The following ARHGAP8 variants were observed in gnomAD, a reference collection of about 807,000 sequenced individuals.
The protein encoded by ARHGAP8 is rho GTPase-activating protein 8.
ARHGAP8 carries 62 observed loss-of-function variants against 46.1 expected under a neutral mutation model. The ratio of observed to expected loss-of-function variants is 1.34; its 90% CI spans 1.10 to 1.66. The LOEUF (loss-of-function observed/expected upper bound fraction) is 1.66. ARHGAP8 is among the 40% of genes most tolerant of loss of function. ARHGAP8 has a pLI of 0.00. For synonymous variants in ARHGAP8, 375 were observed against 243.1 expected (o/e 1.54, Z -5.05); for missense variants, 923 against 568.4 (o/e 1.62, Z -6.34).
chr22:44,776,279 A>C (rs1457816758), intron 1 of ARHGAP8, among the ~76,000 whole-genome samples: 1 of 152,094 alleles, frequency 6.6e-6, no homozygotes, highest in Non-Finnish European at 1.5e-5. Context: ...GGTGAAACCC[A>C]GTCTCTACTA....
intron 10 of ARHGAP8, among the ~76,000 whole-genome samples, chr22:44,857,342 C>T (rs1260906856): frequency 6.6e-6 from 1 of 152,182 alleles, no homozygotes; most frequent in African/African-American, 2.4e-5. Context: ...ACCTCATCCC[C>T]ATGACTAGAA....
At chr22:44,795,640 G>T (rs1396317557) in intron 2 of ARHGAP8, among the ~76,000 whole-genome samples, 1 of 152,128 alleles carries the variant, frequency 6.6e-6, no homozygotes, top group Non-Finnish European at 1.5e-5. Flanking sequence ...GCAGAGGGGA[G>T]CCCCCTGGTT....
rs188774257 is a variant in ARHGAP8, at chr22:44,822,326, G to A, written c.387-45G>A. 3,039 of 1,543,140 alleles carry A rather than the reference G, an allele frequency of 2.0e-3. 28 individuals are homozygous for A. The highest frequency in any genetic ancestry group is 6.4e-3 in the Middle Eastern group (38 of 5,910). ...CCTCCCTGCAACCCTCGGCCTCTCTGCTGGCGCCTAATCGTTCTTTATTCT... is the reference window on the plus strand; with the variant it reads ...CCTCCCTGCAACCCTCGGCCTCTCTACTGGCGCCTAATCGTTCTTTATTCT... On this transcript the variant is annotated intron_variant, in intron 5 of 11. Coordinates refer to ENST00000356099, the MANE Select transcript of ARHGAP8 (RefSeq NM_181335.3).
At chr22:44,857,945 C>G (rs200622444) in intron 10 of ARHGAP8, among the ~76,000 whole-genome samples, 2 of 151,814 alleles carry the variant, frequency 1.3e-5, no homozygotes, top group Non-Finnish European at 1.5e-5. Context: ...AGAGGGACCA[C>G]AGAGCTGAGG....
intron 8 of ARHGAP8, among the ~76,000 whole-genome samples, chr22:44,847,509 A>ATGTGCAGCTACTGGCTGCTGTGC (rs1555919713): frequency 2.6e-5 from 4 of 152,158 alleles, no homozygotes; most frequent in Non-Finnish European, 5.9e-5. Flanking sequence ...TTAAATCCCC[A>ATGTGCAGCTACTGGCTGCTGTGC]TGTGCAGCTA....
At chr22:44,847,950 G>A in intron 8 of ARHGAP8, 23 bp from the exon 9 acceptor site, 2 of 1,605,254 alleles carry the variant, frequency 1.2e-6, no homozygotes, top group South Asian at 1.1e-5. Context: ...CCTGTGAGAT[G>A]CCTGGAAGCT....
chr22:44,764,102 G>A (rs1569133101), intron 1 of ARHGAP8, among the ~76,000 whole-genome samples: 1 of 152,054 alleles, frequency 6.6e-6, no homozygotes, highest in African/African-American at 2.4e-5. Context: ...GTGAGCCACC[G>A]CGCCCGGCCA....
In ARHGAP8 at chr22:44,862,613, A is replaced by G. The variant is rs780409567; in HGVS notation, c.*18A>G. Reference sequence around the variant, plus strand: ...GTCTCTAGTGTTGCGAACACTCTGTATATTTCGAGCTACCTCCCACACCTG... The same window carrying G: ...GTCTCTAGTGTTGCGAACACTCTGTGTATTTCGAGCTACCTCCCACACCTG... On this transcript the variant is annotated 3_prime_UTR_variant, in exon 12 of 12. Transcript: ENST00000356099. The G allele has an allele frequency of 2.1e-4, 215 of 1,044,808 alleles. No individual in the cohort carries two copies. Among genetic ancestry groups the G allele is most frequent in the Non-Finnish European group, 2.4e-4 (194 of 803,204 alleles). The allele number at this position is 1,044,808 out of a possible 1,614,324, so 64.7% of individuals were successfully genotyped here.
chr22:44,817,433 C>T lies in ARHGAP8; in HGVS notation c.386+2675C>T, dbSNP rs142925271. On this transcript the variant is annotated intron_variant, in intron 5 of 11. Transcript: ENST00000356099. ...GGTTTTGTTTGTGTTTAACCAGGCC[C>T]AGCACCCTTGTGCCCTATGTGACAT... Among the ~76,000 whole-genome samples the T allele has an allele frequency of 2.0e-5, 3 of 152,352 alleles. No homozygotes were observed. In the East Asian group the frequency reaches 5.8e-4, roughly 29 times the overall value.
intron 1 of ARHGAP8, among the ~76,000 whole-genome samples, chr22:44,772,390 A>G (rs1404940110): frequency 1.7e-5 from 2 of 114,330 alleles, no homozygotes; most frequent in Non-Finnish European, 3.5e-5. Flanking sequence ...GGGTTTCGCT[A>G]TGTTGACCAG....
At chr22:44,861,914 T>A (rs1014301493) in intron 11 of ARHGAP8, among the ~76,000 whole-genome samples, 2 of 151,998 alleles carry the variant, frequency 1.3e-5, no homozygotes, top group Non-Finnish European at 2.9e-5. Flanking sequence ...AGTTCGCCAC[T>A]CACAGAGCCG....
intron 7 of ARHGAP8, among the ~76,000 whole-genome samples, chr22:44,843,553 G>GC (rs1183866859): frequency 6.6e-6 from 1 of 152,162 alleles, no homozygotes; most frequent in African/African-American, 2.4e-5. Flanking sequence ...GACAGGCCTG[G>GC]CCCAGTGGCT....
At chr22:44,787,546 T>A (rs1480444479) in intron 2 of ARHGAP8, among the ~76,000 whole-genome samples, 2 of 152,122 alleles carry the variant, frequency 1.3e-5, no homozygotes, top group African/African-American at 4.8e-5. Flanking sequence ...GGTTTCGCCA[T>A]TTTGGTCAGG....
chr22:44,811,484 A>G (rs1929330942), intron 4 of ARHGAP8, among the ~76,000 whole-genome samples: 2 of 152,226 alleles, frequency 1.3e-5, no homozygotes, highest in Admixed American at 6.5e-5. Context: ...GAAGAGAGGA[A>G]GGTGGCAGCC....
intron 7 of ARHGAP8, among the ~76,000 whole-genome samples, chr22:44,836,780 C>A (rs142630567): frequency 7.5e-4 from 114 of 152,116 alleles, no homozygotes; most frequent in African/African-American, 2.6e-3. Context: ...CCTGGGTGCC[C>A]AGCTGAGGCA....
chr22:44,861,164 G>T (rs2070462902), intron 11 of ARHGAP8, among the ~76,000 whole-genome samples: 1 of 152,118 alleles, frequency 6.6e-6, no homozygotes, highest in Admixed American at 6.5e-5. Context: ...TAGAGATGGG[G>T]TTTCGTCACA....
chr22:44,858,207 C>G (rs1300234931), intron 10 of ARHGAP8, among the ~76,000 whole-genome samples: 1 of 152,144 alleles, frequency 6.6e-6, no homozygotes, highest in Non-Finnish European at 1.5e-5. Context: ...CCGGTGGTCA[C>G]CAGCAACTCT....
intron 7 of ARHGAP8, among the ~76,000 whole-genome samples, chr22:44,830,497 A>AT (rs35991194): frequency 0.32 from 47,392 of 148,492 alleles, 7,563 homozygotes; most frequent in South Asian, 0.37. Context: ...TGCGAGCTAA[A>AT]TTTTTTTTTT....
intron 1 of ARHGAP8, among the ~76,000 whole-genome samples, chr22:44,763,802 CTTTT>C (rs201584311): frequency 2.2e-5 from 2 of 91,392 alleles, no homozygotes; most frequent in African/African-American, 7.5e-5. Context: ...TTTTTCTTTT[CTTTT>C]TTTTTTTTTT....
Sources: allele counts gnomAD v4.1 joint callset (sites outside exome capture counted in the v4.1 genomes callset), GRCh38; gene constraint gnomAD v4.1.1; transcripts MANE v1.5; gene names NCBI Gene and HGNC (gene_info 2026-07-23, HGNC 2026-07-21).